Variants in CERT1 observed in about 807,000 individuals in gnomAD.
CERT1 encodes ceramide transfer protein.
CERT1 carries 31 observed loss-of-function variants against 87.9 expected under a neutral mutation model. That is an observed-to-expected ratio of 0.35 (90% CI 0.27 to 0.48). The LOEUF is 0.48. Among genes scored for constraint, CERT1 ranks in the 20% least tolerant of loss-of-function variants. CERT1 has a pLI of 0.99. For missense variants in CERT1, 487 were observed against 758.0 expected, an observed-to-expected ratio of 0.64 and a Z score of 4.20; for synonymous variants, 289 against 250.9, an observed-to-expected ratio of 1.15 and a Z score of -1.44.
intron 14 of CERT1, 53 bp downstream of exon 14, chr5:75,384,589 T>C (rs936217632): frequency 1.6e-6 from 2 of 1,261,704 alleles, no homozygotes; most frequent in African/African-American, 3.0e-5. Context: ...AATCTATATG[T>C]CTGAGTTTGA....
chr5:75,416,719 G>T (rs1763147586), intron 7 of CERT1, among the ~76,000 whole-genome samples, 157 bp downstream of exon 7: 1 of 152,146 alleles, frequency 6.6e-6, no homozygotes, highest in Non-Finnish European at 1.5e-5. Context: ...TTAGGCAAAT[G>T]AGTTTAGGAT....
chr5:75,437,390 A>T (rs976391130), intron 3 of CERT1, among the ~76,000 whole-genome samples: 1 of 152,236 alleles, frequency 6.6e-6, no homozygotes, highest in Non-Finnish European at 1.5e-5. Flanking sequence ...GGAGGCTACG[A>T]GTTTAGTACA....
At chr5:75,416,795 A>C in intron 7 of CERT1, 81 bp downstream of exon 7, 1 of 1,238,970 alleles carries the variant, frequency 8.1e-7, no homozygotes, top group Non-Finnish European at 1.1e-6. Flanking sequence ...CTTCCCTAAG[A>C]AGTTAGCTTG....
At chr5:75,445,233 A>T (rs563100330) in intron 3 of CERT1, among the ~76,000 whole-genome samples, 2 of 152,360 alleles carry the variant, frequency 1.3e-5, no homozygotes, top group South Asian at 4.1e-4. Flanking sequence ...AGAAAACAAA[A>T]AGCAGAATTA....
At chr5:75,398,038 TA>T (rs375650246) in intron 11 of CERT1, among the ~76,000 whole-genome samples, 2,212 of 150,788 alleles carry the variant, frequency 0.015, 55 homozygotes, top group African/African-American at 0.051. Flanking sequence ...TAAGTAAAAT[TA>T]AAAAAAAATG....
chr5:75,427,405 C>A (rs1763662271), intron 3 of CERT1, among the ~76,000 whole-genome samples: 1 of 152,090 alleles, frequency 6.6e-6, no homozygotes, highest in Non-Finnish European at 1.5e-5. Flanking sequence ...CTGAGACCAG[C>A]CTGGCCAATA....
intron 8 of CERT1, among the ~76,000 whole-genome samples, chr5:75,407,941 A>T (rs1762782297): frequency 6.8e-6 from 1 of 147,726 alleles, no homozygotes; most frequent in African/African-American, 2.5e-5. Context: ...AACAATTTTT[A>T]AGTGTATAGT....
downstream of CERT1, chr5:75,374,418 G>GAA: frequency 3.1e-5 from 17 of 541,982 alleles, no homozygotes; most frequent in South Asian, 1.7e-4. Context: ...TCAAAAGTTA[G>GAA]AAAAAAAAAC....
chr5:75,394,121 T>G (rs981131191), intron 11 of CERT1, among the ~76,000 whole-genome samples: 2 of 152,178 alleles, frequency 1.3e-5, no homozygotes, highest in Non-Finnish European at 2.9e-5. Flanking sequence ...TGACAAAAGT[T>G]AACTGAATTA....
chr5:75,501,042 G>A (rs2112458880), intron 2 of CERT1, among the ~76,000 whole-genome samples: 1 of 151,434 alleles, frequency 6.6e-6, no homozygotes, highest in East Asian at 1.9e-4. Flanking sequence ...AGCCTGGAGG[G>A]CAATGGCATC....
intron 3 of CERT1, among the ~76,000 whole-genome samples, chr5:75,452,187 C>T (rs1430573278): frequency 6.6e-6 from 1 of 152,116 alleles, no homozygotes; most frequent in Non-Finnish European, 1.5e-5. Context: ...AAGACAATTG[C>T]CTCTAGATTC....
intron 2 of CERT1, among the ~76,000 whole-genome samples, chr5:75,485,889 T>C (rs1439951023): frequency 1.3e-5 from 2 of 152,100 alleles, no homozygotes; most frequent in East Asian, 3.9e-4. Flanking sequence ...AAGAAAAGCC[T>C]GAGACCCAGT....
At chr5:75,393,520 G>A (rs1433383765) in intron 11 of CERT1, among the ~76,000 whole-genome samples, 1 of 145,346 alleles carries the variant, frequency 6.9e-6, no homozygotes, top group Non-Finnish European at 1.5e-5. Flanking sequence ...GTTCATGCCT[G>A]TAGTCCCAGC....
chr5:75,427,270 C>G (rs770849524), intron 3 of CERT1, among the ~76,000 whole-genome samples: 13 of 152,178 alleles, frequency 8.5e-5, no homozygotes, highest in Admixed American at 2.0e-4. Context: ...TTTTGGATCT[C>G]TGATTATTTT....
intron 15 of CERT1, 96 bp from the exon 16 acceptor site, chr5:75,381,297 T>TA (rs1467347591): frequency 1.5e-6 from 2 of 1,333,306 alleles, no homozygotes; most frequent in Admixed American, 1.8e-5. Context: ...TCGTAACTCT[T>TA]AAAAGTATCT....
At chr5:75,407,436 T>A in intron 8 of CERT1, among the ~76,000 whole-genome samples, 2 of 142,110 alleles carry the variant, frequency 1.4e-5, no homozygotes, top group African/African-American at 2.6e-5. Flanking sequence ...TATGTCAAAA[T>A]CTACCAAACT....
At chr5:75,500,560 C>T (rs1767304767) in intron 2 of CERT1, among the ~76,000 whole-genome samples, 1 of 152,154 alleles carries the variant, frequency 6.6e-6, no homozygotes, top group African/African-American at 2.4e-5. Flanking sequence ...TTTCTCAAAG[C>T]ATAAATCTTA....
At chr5:75,444,345 C>A (rs1764447172) in intron 3 of CERT1, among the ~76,000 whole-genome samples, 1 of 152,086 alleles carries the variant, frequency 6.6e-6, no homozygotes, top group Non-Finnish European at 1.5e-5. Flanking sequence ...TGAGCCACTG[C>A]GCCTGGCCTG....
At chr5:75,454,257 G>A (rs900297001) in intron 3 of CERT1, among the ~76,000 whole-genome samples, 3 of 152,060 alleles carry the variant, frequency 2.0e-5, no homozygotes, top group South Asian at 2.1e-4. Context: ...AACTTACCAA[G>A]GCCACTTAGC....
Sources: allele counts gnomAD v4.1 joint callset (sites outside exome capture counted in the v4.1 genomes callset), GRCh38; gene constraint gnomAD v4.1.1; transcripts MANE v1.5; gene names NCBI Gene and HGNC (gene_info 2026-07-23, HGNC 2026-07-21).